Variants in ATXN8OS observed in about 807,000 individuals in gnomAD.
ATXN8OS encodes the protein ATXN8 opposite strand (non-protein coding).
intron 3 of ATXN8OS, among the ~76,000 whole-genome samples, chr13:70,134,015 A>G (rs1888571076): frequency 6.6e-6 from 1 of 152,202 alleles, no homozygotes; most frequent in South Asian, 2.1e-4. Flanking sequence ...GTATTTCTAG[A>G]AAAATATCGG....
rs4053603 is a variant in ATXN8OS at position 70,167,723 on chromosome 13, C to CTTTTTTTTTTTTTTTTTT, written n.574-2021_574-2004dup. Among the ~76,000 whole-genome samples the CTTTTTTTTTTTTTTTTTT allele has an allele frequency of 1.3e-4, 8 of 61,882 alleles. 2 individuals are homozygous for CTTTTTTTTTTTTTTTTTT. Among genetic ancestry groups the CTTTTTTTTTTTTTTTTTT allele is most frequent in the African/African-American group, 4.5e-4 (8 of 17,822 alleles). 40.6% of individuals were successfully genotyped at this position (61,882 alleles called of 152,430 possible). ...AATACTATCACAACATATGTAACTT[C>CTTTTTTTTTTTTTTTTTT]TTTTTTTTTTTTTTTTTTTTTTTTT... On this transcript the variant is annotated intron_variant and non_coding_transcript_variant, in intron 4 of 4. Transcript: ENST00000678624.
At chr13:70,130,398 A>G (rs529034250) in intron 3 of ATXN8OS, among the ~76,000 whole-genome samples, 20 of 152,310 alleles carry the variant, frequency 1.3e-4, no homozygotes, top group Non-Finnish European at 2.4e-4. Context: ...GCACACGCTT[A>G]CTAATAACAA....
chr13:70,130,151 G>A (rs1338059000), intron 3 of ATXN8OS, among the ~76,000 whole-genome samples: 6 of 152,146 alleles, frequency 3.9e-5, no homozygotes, highest in Non-Finnish European at 8.8e-5. Context: ...GCCATTCTTA[G>A]TAAGAGGAAA....
intron 4 of ATXN8OS, among the ~76,000 whole-genome samples, chr13:70,169,635 T>C (rs1371230776): frequency 2.0e-5 from 3 of 152,040 alleles, no homozygotes; most frequent in African/African-American, 7.2e-5. Flanking sequence ...ATAAGTAAAC[T>C]GATGATCTGT....
intron 4 of ATXN8OS, among the ~76,000 whole-genome samples, chr13:70,155,974 T>A (rs749555353): frequency 1.3e-5 from 2 of 152,162 alleles, no homozygotes; most frequent in African/African-American, 2.4e-5. Flanking sequence ...CTATATGCCT[T>A]TTTGTTTTAT....
intron 3 of ATXN8OS, chr13:70,130,772 A>T: frequency 2.5e-6 from 1 of 398,520 alleles, no homozygotes; most frequent in Non-Finnish European, 4.4e-6. Flanking sequence ...TTCTAATAAT[A>T]AAACAGACTT....
At chr13:70,118,930 T>C (rs1247318856) in intron 2 of ATXN8OS, among the ~76,000 whole-genome samples, 1 of 151,898 alleles carries the variant, frequency 6.6e-6, no homozygotes, top group African/African-American at 2.4e-5. Flanking sequence ...TATACGAGCA[T>C]TGCAAACCCA....
chr13:70,154,560 A>C (rs651093), intron 4 of ATXN8OS, among the ~76,000 whole-genome samples: 123,512 of 152,018 alleles, frequency 0.81, 50,650 homozygotes, highest in Middle Eastern at 0.89. Context: ...AGAAAGATAA[A>C]ATTTAAAAGA....
intron 3 of ATXN8OS, among the ~76,000 whole-genome samples, chr13:70,146,217 C>T (rs1330412623): frequency 3.8e-4 from 56 of 146,270 alleles, no homozygotes; most frequent in South Asian, 1.1e-3. Context: ...CAATGAGATA[C>T]CATCTCACAC....
intron 3 of ATXN8OS, among the ~76,000 whole-genome samples, chr13:70,147,089 C>T (rs993885434): frequency 2.0e-5 from 3 of 152,022 alleles, no homozygotes; most frequent in Non-Finnish European, 2.9e-5. Context: ...TGAAAAGCTA[C>T]AAGTGGATTC....
At chr13:70,135,490 T>C (rs1053267599) in intron 3 of ATXN8OS, among the ~76,000 whole-genome samples, 6 of 152,138 alleles carry the variant, frequency 3.9e-5, no homozygotes, top group African/African-American at 1.4e-4. Flanking sequence ...TCCTATGGTA[T>C]ACTTGGCCAT....
chr13:70,131,579 A>G, intron 3 of ATXN8OS: 2 of 397,940 alleles, frequency 5.0e-6, no homozygotes, highest in East Asian at 7.1e-5. Context: ...TCCACATTAA[A>G]TACTTTTTAC....
intron 4 of ATXN8OS, among the ~76,000 whole-genome samples, chr13:70,151,602 C>A (rs973362800): frequency 6.6e-6 from 1 of 152,044 alleles, no homozygotes; most frequent in Non-Finnish European, 1.5e-5. Flanking sequence ...AAGATAATTA[C>A]TACATAAGTT....
intron 4 of ATXN8OS, among the ~76,000 whole-genome samples, chr13:70,163,080 A>G (rs888137707): frequency 6.6e-6 from 1 of 152,044 alleles, no homozygotes; most frequent in Admixed American, 6.6e-5. Flanking sequence ...AACTTTGGTT[A>G]TAAATTACTA....
chr13:70,110,032 A>G (rs550199905), intron 1 of ATXN8OS, among the ~76,000 whole-genome samples: 1 of 152,274 alleles, frequency 6.6e-6, no homozygotes, highest in East Asian at 1.9e-4. Context: ...CTAAAATTTA[A>G]TTTTGCAGTT....
intron 2 of ATXN8OS, among the ~76,000 whole-genome samples, chr13:70,121,646 G>A (rs1888361406): frequency 6.6e-6 from 1 of 152,052 alleles, no homozygotes; most frequent in Non-Finnish European, 1.5e-5. Flanking sequence ...CTTAATTTAG[G>A]AAATGTAGAA....
At chr13:70,147,775 G>C (rs879718502) in intron 4 of ATXN8OS, among the ~76,000 whole-genome samples, 1 of 152,248 alleles carries the variant, frequency 6.6e-6, no homozygotes, top group Admixed American at 6.5e-5. Context: ...AGCCTCGGGA[G>C]GTCCTGAGAA....
In ATXN8OS at chr13:70,108,824, A is replaced by G. The variant is rs143506136; in HGVS notation, n.240+805A>G. Among the ~76,000 whole-genome samples the G allele has an allele frequency of 2.2e-3, 329 of 152,296 alleles. 1 individual carries two copies. The highest frequency in any genetic ancestry group is 7.5e-3 in the African/African-American group (310 of 41,554). On this transcript the variant is annotated intron_variant and non_coding_transcript_variant, in intron 1 of 4. Coordinates refer to ENST00000678624, the Ensembl canonical transcript of ATXN8OS. ...TAACCTTTAGCCTTAGTTTCTCTGTAGTGAGACACAGAAGAAACGGATGCT... is the reference window on the plus strand; with the variant it reads ...TAACCTTTAGCCTTAGTTTCTCTGTGGTGAGACACAGAAGAAACGGATGCT...
At chr13:70,145,332 G>C (rs1028853275) in intron 3 of ATXN8OS, among the ~76,000 whole-genome samples, 88 of 151,738 alleles carry the variant, frequency 5.8e-4, no homozygotes, top group Middle Eastern at 3.4e-3. Flanking sequence ...TTGGTGATAC[G>C]GGCTCTTTTT....
Sources: gnomAD v4.1 joint callset for allele counts (sites outside exome capture counted in the v4.1 genomes callset) on GRCh38, gnomAD v4.1.1 for gene constraint, MANE v1.5 for transcripts, NCBI Gene and HGNC (gene_info 2026-07-23, HGNC 2026-07-21) for gene names.